CIZ1: variants seen among roughly 807,000 people sequenced by gnomAD.
CIZ1 encodes the protein CDKN1A interacting zinc finger protein 1.
A neutral mutation model predicts 118.6 loss-of-function variants in CIZ1; 58 were observed. That is an observed-to-expected ratio of 0.49 (90% CI 0.40 to 0.61). CIZ1 has a LOEUF of 0.61. Among genes scored for constraint, CIZ1 ranks in the 20% least tolerant of loss-of-function variants. The probability of loss-of-function intolerance (pLI) is 0.00; values close to 1 mark genes in which losing one functional copy is unlikely to be tolerated. For synonymous variants in CIZ1, 448 were observed against 443.4 expected, an observed-to-expected ratio of 1.01 and a Z score of -0.13; for missense variants, 921 against 1,115.9, an observed-to-expected ratio of 0.83 and a Z score of 2.49.
Position 128,166,265 on chromosome 9 carries a change from G to A in CIZ1, c.2629C>T (p.Pro877Ser), listed in dbSNP as rs566854296. ...GAGGGTCGAGCCGTCACCTTGCTGGGTGTTTTGTCCTGGGTGTTGGGCTGG... is the reference window on the plus strand; with the variant it reads ...GAGGGTCGAGCCGTCACCTTGCTGGATGTTTTGTCCTGGGTGTTGGGCTGG... ...PSQPNTQDKT[P>S]SKVTARPSQP... Residue 877 changes from proline (P) to serine (S), a missense_variant, in exon 17 of 17, where the codon CCC becomes TCC. Physicochemically the swap from Pro to Ser is moderately conservative, Grantham distance 74. Transcript: ENST00000372938. The surrounding 1 kb of genome is among the most constrained non-coding windows in gnomAD (Gnocchi z 4.4). 8.1e-6 allele frequency: 8 copies of A among 990,552 alleles called. No individual in the cohort carries two copies. The highest frequency in any genetic ancestry group is 6.8e-5 in the South Asian group (5 of 73,534). 61.4% of individuals were successfully genotyped at this position (990,552 alleles called of 1,614,324 possible).
Position 128,180,538 on chromosome 9 carries a change from T to C in CIZ1, c.683-15A>G. 2 of 1,603,946 alleles carry C rather than the reference T, an allele frequency of 1.2e-6. No homozygotes were observed. Among genetic ancestry groups the C allele is most frequent in the South Asian group, 2.2e-5 (2 of 90,840 alleles). On this transcript the variant is annotated splice_polypyrimidine_tract_variant and intron_variant, in intron 6 of 16. Transcript: ENST00000372938. ...TAAATCTTGGTCTGGAATGGAGGCA[T>C]GAGCGAGGGAACTCATGTTGGGAAG...
At chr9:128,200,408 C>T (rs527991403) in intron 1 of CIZ1, among the ~76,000 whole-genome samples, 28 of 151,754 alleles carry the variant, frequency 1.8e-4, no homozygotes, top group Admixed American at 1.7e-3. Context: ...AGCTATAATC[C>T]CAGCATTTTG....
At position 128,201,245 on chromosome 9, in the gene CIZ1, G is replaced by A. The variant is rs572564594; in HGVS notation, c.-6+2941C>T. On this transcript the variant is annotated intron_variant, in intron 1 of 17. Transcript: ENST00000372948. The stretch of plus-strand genomic sequence containing the variant: ...ATCGCACCACTGCACTCTAGCCTGG[G>A]TAACAGAGCGAGATTCCGTCTCAAA... Among the ~76,000 whole-genome samples, 21 of 149,300 alleles carry A rather than the reference G, an allele frequency of 1.4e-4. No individual in the cohort carries two copies. The South Asian group carries it at 4.5e-3, about 32-fold the overall frequency.
In CIZ1 at chr9:128,166,250, C is replaced by T. The variant is rs1829398351; in HGVS notation, c.2644G>A (p.Ala882Thr). 6.5e-7 allele frequency: 1 copy of T among 1,531,388 alleles called. No homozygotes were observed. Among genetic ancestry groups the T allele is most frequent in the African/African-American group, 1.4e-5 (1 of 73,554 alleles). 94.9% of individuals were successfully genotyped at this position (1,531,388 alleles called of 1,614,324 possible). A position where few individuals can be genotyped will look rare whatever the true frequency, so the allele number is the denominator to read the frequency against. ...TQDKTPSKVT[A>T]RPSQPPLPRR... The stretch of plus-strand genomic sequence containing the variant: ...GGTAGTGGGGGCTGGGAGGGTCGAG[C>T]CGTCACCTTGCTGGGTGTTTTGTCC... The change falls in exon 17 of 17, where the codon GCT becomes ACT. Residue 882 changes from alanine to threonine, a missense_variant. Physicochemically the swap from Ala to Thr is moderately conservative, Grantham distance 58. Coordinates refer to ENST00000372938, the MANE Select transcript of CIZ1 (RefSeq NM_001131016.2). The surrounding 1 kb of genome is among the most constrained non-coding windows in gnomAD (Gnocchi z 4.4).
rs989692518 is a variant in CIZ1, at chr9:128,177,148, A to G, written c.1818+418T>C. 3.9e-5 allele frequency among the ~76,000 whole-genome samples: 6 copies of G among 152,266 alleles called. No homozygotes were observed. The East Asian group carries it at 1.2e-3, about 29-fold the overall frequency. On this transcript the variant is annotated intron_variant, in intron 10 of 16. Transcript: ENST00000372938. ...TGTGATCCACCCACCTCAGCCTCCC[A>G]AAGTGCTGGGATTACAGGCGTGAGC...
chr9:128,177,546 C>CCGAAA lies in CIZ1; in HGVS notation c.1818+19_1818+20insTTTCG. 1 of 1,353,458 alleles carries CCGAAA rather than the reference C, an allele frequency of 7.4e-7. No homozygotes were observed. The highest frequency in any genetic ancestry group is 9.9e-7 in the Non-Finnish European group (1 of 1,013,754). The allele number at this position is 1,353,458 out of a possible 1,614,324, so 83.8% of individuals were successfully genotyped here. On this transcript the variant is annotated intron_variant, in intron 10 of 16. Transcript: ENST00000372938. The stretch of plus-strand genomic sequence containing the variant: ...CACGCAGGCCCCACCCCTCCCCACC[C>CCGAAA]TTATCTCCTGTATCAGTACCTGCTG...
intron 14 of CIZ1, chr9:128,168,598 C>T (rs144892424): frequency 1.4e-3 from 227 of 156,614 alleles, no homozygotes; most frequent in Non-Finnish European, 2.4e-3. Context: ...AGGGTAGCTG[C>T]GGCATTGGAA....
chr9:128,195,084 A>C (rs1393162800), upstream of CIZ1, among the ~76,000 whole-genome samples: 1 of 152,192 alleles, frequency 6.6e-6, no homozygotes, highest in Non-Finnish European at 1.5e-5. Context: ...GGTCTCCTGA[A>C]GTGCTGAGAT....
chr9:128,181,454 T>C (rs2130970118), intron 5 of CIZ1, among the ~76,000 whole-genome samples: 1 of 152,370 alleles, frequency 6.6e-6, no homozygotes, highest in Admixed American at 6.5e-5. Flanking sequence ...TATGATTATA[T>C]ATGAGTATCA....
chr9:128,179,504 G>A, intron 7 of CIZ1, 89 bp from the exon 8 acceptor site: 1 of 1,221,528 alleles, frequency 8.2e-7, no homozygotes, highest in Non-Finnish European at 1.1e-6. Context: ...CGAGCGTGGT[G>A]GCTCGCATCT....
At chr9:128,194,901 T>C (rs1833340239), upstream of CIZ1, among the ~76,000 whole-genome samples, 1 of 152,132 alleles carries the variant, frequency 6.6e-6, no homozygotes, top group Non-Finnish European at 1.5e-5. Flanking sequence ...CACTGCAGCC[T>C]TTCCCTCCCT....
intron 3 of CIZ1, among the ~76,000 whole-genome samples, chr9:128,189,638 G>C (rs1028469137): frequency 1.3e-5 from 2 of 151,912 alleles, no homozygotes; most frequent in African/African-American, 4.8e-5. Flanking sequence ...TGGCCAACAT[G>C]GGGAAACCCC....
In CIZ1 at chr9:128,185,536, C is replaced by T. The variant is rs779455756; in HGVS notation, c.588+11G>A. Reference sequence around the variant, plus strand: ...CCCTCCCGCCCACTCCCATCCCCACCTACCACTCACCTTTCGATTGGGGGT... The same window carrying T: ...CCCTCCCGCCCACTCCCATCCCCACTTACCACTCACCTTTCGATTGGGGGT... On this transcript the variant is annotated intron_variant, in intron 5 of 16. Coordinates refer to ENST00000372938, the MANE Select transcript of CIZ1 (RefSeq NM_001131016.2). 4 of 1,503,280 alleles carry T rather than the reference C, an allele frequency of 2.7e-6. No homozygotes were observed. The highest frequency in any genetic ancestry group is 1.8e-6 in the Non-Finnish European group (2 of 1,122,286). 93.1% of individuals were successfully genotyped at this position (1,503,280 alleles called of 1,614,324 possible). A position where few individuals can be genotyped will look rare whatever the true frequency, so the allele number is the denominator to read the frequency against.
At chr9:128,179,437 T>A in intron 7 of CIZ1, 22 bp from the exon 8 acceptor site, 1 of 1,543,662 alleles carries the variant, frequency 6.5e-7, no homozygotes, top group Non-Finnish European at 8.7e-7. Context: ...CAAAAAAAAA[T>A]CCCAGTCATG....
intron 5 of CIZ1, among the ~76,000 whole-genome samples, 194 bp from the exon 6 acceptor site, chr9:128,181,008 A>G (rs1370564142): frequency 2.0e-5 from 3 of 152,066 alleles, no homozygotes; most frequent in Non-Finnish European, 4.4e-5. Context: ...GATTCTACCT[A>G]GTTGTCTGTT....
At chr9:128,200,526 C>T (rs1429195778) in intron 1 of CIZ1, among the ~76,000 whole-genome samples, 2 of 151,634 alleles carry the variant, frequency 1.3e-5, no homozygotes, top group Admixed American at 6.6e-5. Flanking sequence ...GGCACAGTGG[C>T]GAGCACCTGT....
At chr9:128,195,054 T>G (rs1833344492), upstream of CIZ1, among the ~76,000 whole-genome samples, 1 of 152,072 alleles carries the variant, frequency 6.6e-6, no homozygotes, top group East Asian at 1.9e-4. Flanking sequence ...ACTCATAGGT[T>G]CAAGTGATTC....
At chr9:128,188,614 A>G (rs1360075065) in intron 3 of CIZ1, among the ~76,000 whole-genome samples, 2 of 151,992 alleles carry the variant, frequency 1.3e-5, no homozygotes, top group Admixed American at 6.6e-5. Flanking sequence ...CACCTGGCCA[A>G]GAGTGTGAGT....
At chr9:128,180,134 G>A (rs1399697002) in intron 7 of CIZ1, among the ~76,000 whole-genome samples, 3 of 152,092 alleles carry the variant, frequency 2.0e-5, no homozygotes, top group Non-Finnish European at 4.4e-5. Flanking sequence ...TAAATGGCCT[G>A]CCCACTACGG....
Sources: allele counts gnomAD v4.1 joint callset (sites outside exome capture counted in the v4.1 genomes callset), GRCh38; gene constraint gnomAD v4.1.1; non-coding constraint Gnocchi (gnomAD v3.1); transcripts MANE v1.5; gene names NCBI Gene and HGNC (gene_info 2026-07-23, HGNC 2026-07-21).